YIPF6: variants seen among roughly 807,000 people sequenced by gnomAD.
YIPF6 encodes Yip1 domain family member 6, also known as protein YIPF6.
Under a neutral mutation model 16.8 loss-of-function variants are expected in YIPF6, and 3 were observed. The observed-to-expected ratio is 0.18, with a 90% confidence interval of 0.08 to 0.46. The LOEUF (loss-of-function observed/expected upper bound fraction) is 0.46, where lower values mean the gene tolerates loss of function less well. Among genes scored for constraint, YIPF6 ranks in the 20% least tolerant of loss-of-function variants. The pLI, the probability that YIPF6 is intolerant of heterozygous loss-of-function variation, is 0.98. For missense variants in YIPF6, 145 were observed against 184.9 expected (o/e 0.78, Z 1.25); for synonymous variants, 67 against 61.9 (o/e 1.08, Z -0.38).
rs904139313 is a variant in YIPF6, at chrX:68,499,873, C to T, written c.57+750C>T. The stretch of plus-strand genomic sequence containing the variant: ...CAGGCTGGTCTCGAATTCCTGGGCT[C>T]AAGCTATCCTCCTGCCTCGGCCTTC... On this transcript the variant is annotated intron_variant, in intron 1 of 6. Transcript: ENST00000462683. Among the ~76,000 whole-genome samples the T allele has an allele frequency of 6.2e-5, 7 of 112,150 alleles. No homozygotes were observed. The Admixed American group carries it at 6.6e-4, about 11-fold the overall frequency.
At chrX:68,529,624 G>T (rs1326022794) in intron 6 of YIPF6, among the ~76,000 whole-genome samples, 1 of 111,464 alleles carries the variant, frequency 9.0e-6, no homozygotes, top group Non-Finnish European at 1.9e-5. Context: ...TCTACCTTTG[G>T]TCTTTGATGT....
At chrX:68,531,090 C>T (rs2079169339) in intron 6 of YIPF6, among the ~76,000 whole-genome samples, 1 of 107,659 alleles carries the variant, frequency 9.3e-6, no homozygotes, top group East Asian at 2.9e-4. Flanking sequence ...AGCTGTAGCA[C>T]CCAGCGAGAG....
intron 6 of YIPF6, among the ~76,000 whole-genome samples, chrX:68,524,213 G>A (rs974566643): frequency 1.8e-5 from 2 of 111,061 alleles, no homozygotes; most frequent in Admixed American, 9.7e-5. Flanking sequence ...CTGTCACCCA[G>A]GCTGGAGTGC....
At chrX:68,526,989 G>A (rs776785291) in intron 6 of YIPF6, among the ~76,000 whole-genome samples, 3 of 111,674 alleles carry the variant, frequency 2.7e-5, no homozygotes, top group South Asian at 3.7e-4. Context: ...CTGGCCTCAC[G>A]AAATGAGTTA....
At chrX:68,520,018 T>A (rs2079119914) in intron 4 of YIPF6, among the ~76,000 whole-genome samples, 1 of 112,209 alleles carries the variant, frequency 8.9e-6, no homozygotes, top group Non-Finnish European at 1.9e-5. Context: ...AGAATTAGGA[T>A]CAGTATCTGG....
chrX:68,522,572 T>A (rs1178570096), intron 5 of YIPF6, among the ~76,000 whole-genome samples, 188 bp from the exon 6 acceptor site: 1 of 110,507 alleles, frequency 9.0e-6, no homozygotes, highest in African/African-American at 3.3e-5. Context: ...TCCCAAAGTG[T>A]TGGTATTACA....
intron 3 of YIPF6, among the ~76,000 whole-genome samples, chrX:68,517,965 CAA>C (rs761275868): frequency 5.4e-4 from 34 of 62,412 alleles, no homozygotes; most frequent in Non-Finnish European, 3.6e-4. Context: ...GACCCTGTTT[CAA>C]AAAAAAAAAA....
chrX:68,520,460 T>C (rs936274770), intron 4 of YIPF6, among the ~76,000 whole-genome samples: 2 of 111,826 alleles, frequency 1.8e-5, no homozygotes, highest in African/African-American at 6.5e-5. Context: ...TTATAGACTG[T>C]TTCCATTTTT....
intron 1 of YIPF6, chrX:68,510,546 T>G (rs2079076345): frequency 9.3e-6 from 1 of 107,207 alleles, no homozygotes; most frequent in African/African-American, 3.5e-5. Context: ...TAAGAAATTG[T>G]TTTTGTTTTA....
Position 68,535,007 on chromosome X carries a change from T to G in YIPF6, c.*3008T>G, listed in dbSNP as rs1253920300. ...ACGGGTAAAGACTGGATTTAATTGCTGTTCAGAGTATAAAAACTCAATTGA... is the reference window on the plus strand; with the variant it reads ...ACGGGTAAAGACTGGATTTAATTGCGGTTCAGAGTATAAAAACTCAATTGA... On this transcript the variant is annotated 3_prime_UTR_variant, in exon 7 of 7. Transcript: ENST00000462683. 1.8e-5 allele frequency: 2 copies of G among 112,679 alleles called. No individual in the cohort carries two copies. The highest frequency in any genetic ancestry group is 6.4e-5 in the African/African-American group (2 of 31,056). The allele number at this position is 112,679 out of a possible 1,213,427, so 9.3% of individuals were successfully genotyped here. A position where few individuals can be genotyped will look rare whatever the true frequency, so the allele number is the denominator to read the frequency against.
At chrX:68,503,143 C>T (rs1169086666) in intron 1 of YIPF6, among the ~76,000 whole-genome samples, 2 of 112,077 alleles carry the variant, frequency 1.8e-5, no homozygotes, top group East Asian at 2.8e-4. Flanking sequence ...CTGGCTACCC[C>T]GTCATCCACT....
intron 3 of YIPF6, among the ~76,000 whole-genome samples, chrX:68,517,197 G>T (rs1405217069): frequency 9.1e-6 from 1 of 110,486 alleles, no homozygotes; most frequent in African/African-American, 3.3e-5. Flanking sequence ...ACCCAGGCTG[G>T]AGTGCAGTGG....
intron 3 of YIPF6, chrX:68,513,609 A>G: frequency 4.0e-6 from 1 of 248,808 alleles, no homozygotes; most frequent in Non-Finnish European, 6.9e-6. Context: ...TTTTTTTGAG[A>G]CAGAGTCTCA....
intron 3 of YIPF6, among the ~76,000 whole-genome samples, chrX:68,518,545 G>A (rs770011541): frequency 3.6e-5 from 4 of 110,798 alleles, no homozygotes; most frequent in Admixed American, 2.9e-4. Flanking sequence ...ATGGGGAGAA[G>A]GAAAGGGTGA....
intron 6 of YIPF6, among the ~76,000 whole-genome samples, chrX:68,523,595 T>C (rs765875763): frequency 7.1e-5 from 8 of 112,560 alleles, no homozygotes; most frequent in Admixed American, 3.8e-4. Context: ...ATAGCAATGA[T>C]AATGAATGCT....
intron 3 of YIPF6, chrX:68,515,182 C>T (rs1239400286): frequency 5.6e-5 from 6 of 107,391 alleles, no homozygotes; most frequent in African/African-American, 1.0e-4. Flanking sequence ...AAAAATTAGC[C>T]GGGCGTGGTG....
At chrX:68,517,275 G>A (rs768563434) in intron 3 of YIPF6, among the ~76,000 whole-genome samples, 13 of 111,767 alleles carry the variant, frequency 1.2e-4, no homozygotes, top group Non-Finnish European at 2.4e-4. Context: ...AGCCTCCCAA[G>A]TAGCTGGGAT....
At chrX:68,518,644 G>C (rs932166632) in intron 3 of YIPF6, 126 bp from the exon 4 acceptor site, 12 of 714,925 alleles carry the variant, frequency 1.7e-5, no homozygotes, top group Non-Finnish European at 2.5e-5. Flanking sequence ...TGGTGGGAGA[G>C]GAGAGGTAGG....
chrX:68,522,913 A>T lies in YIPF6; in HGVS notation c.588A>T (p.Ile196=), dbSNP rs747475647. 1 of 1,210,383 alleles carries T rather than the reference A, an allele frequency of 8.3e-7. No homozygotes were observed. Among genetic ancestry groups the T allele is most frequent in the South Asian group, 1.8e-5 (1 of 56,758 alleles). The change falls in exon 6 of 7, where the codon ATA becomes ATT. Residue 196 remains isoleucine, a synonymous_variant. Coordinates refer to ENST00000462683, the MANE Select transcript of YIPF6 (RefSeq NM_173834.4). Reference sequence around the variant, plus strand: ...TGATTGTGATGTTTGCCTGGTCTATAGTTGGTAAGTATGTACTTATTTCCA... The same window carrying T: ...TGATTGTGATGTTTGCCTGGTCTATTGTTGGTAAGTATGTACTTATTTCCA... ...FVVIVMFAWS[I]VASTAFLADS... is the part of the protein sequence containing the mutation.
Sources: gnomAD v4.1 joint callset for allele counts (sites outside exome capture counted in the v4.1 genomes callset) on GRCh38, gnomAD v4.1.1 for gene constraint, MANE v1.5 for transcripts, NCBI Gene and HGNC (gene_info 2026-07-23, HGNC 2026-07-21) for gene names.